SREBF2: variants seen among roughly 807,000 people sequenced by gnomAD.
The protein encoded by SREBF2 is sterol regulatory element binding transcription factor 2, also known as sterol regulatory element-binding protein 2.
Under a neutral mutation model 113.1 loss-of-function variants are expected in SREBF2, and 55 were observed. That is an observed-to-expected ratio of 0.49 (90% CI 0.39 to 0.61). SREBF2 has a LOEUF of 0.61. Among genes scored for constraint, SREBF2 ranks in the 20% least tolerant of loss-of-function variants. The pLI is 0.00. For missense variants in SREBF2, 1,349 were observed against 1,487.4 expected (o/e 0.91, Z 1.53); for synonymous variants, 593 against 605.7 (o/e 0.98, Z 0.31).
Position 41,833,330 on chromosome 22 carries a change from C to A in SREBF2, c.60C>A (p.Gly20=). 1 of 1,477,520 alleles carries A rather than the reference C, an allele frequency of 6.8e-7. No individual in the cohort carries two copies. Among genetic ancestry groups the A allele is most frequent in the African/African-American group, 1.5e-5 (1 of 64,924 alleles). 91.5% of individuals were successfully genotyped at this position (1,477,520 alleles called of 1,614,324 possible). ...CCATGGAGACCCTCACGGAGCTGGG[C>A]GACGAGCTGACCCTGGGAGACATCG... The part of the protein sequence containing the change: ...LETMETLTEL[G]DELTLGDIDE... The change falls in exon 1 of 19, where the codon GGC becomes GGA. Residue 20 remains glycine, a synonymous_variant. Coordinates refer to ENST00000361204, the MANE Select transcript of SREBF2 (RefSeq NM_004599.4). The surrounding 1 kb of genome is among the most constrained non-coding windows in gnomAD (Gnocchi z 4.1).
chr22:41,882,256 C>G (rs1263864232), intron 10 of SREBF2, among the ~76,000 whole-genome samples: 1 of 152,180 alleles, frequency 6.6e-6, no homozygotes, highest in African/African-American at 2.4e-5. Flanking sequence ...AGACGGTTCC[C>G]TGGTTCTTCC....
At chr22:41,846,161 T>C (rs1456775879) in intron 1 of SREBF2, among the ~76,000 whole-genome samples, 2 of 152,244 alleles carry the variant, frequency 1.3e-5, no homozygotes, top group Non-Finnish European at 2.9e-5. Context: ...CAGTGTGTTC[T>C]TTATCAGTCA....
chr22:41,865,280 A>C (rs1020069874), intron 1 of SREBF2, among the ~76,000 whole-genome samples: 3 of 152,090 alleles, frequency 2.0e-5, no homozygotes, highest in Non-Finnish European at 4.4e-5. Flanking sequence ...TGGTGTCTAA[A>C]TCAGAGCATC....
At chr22:41,868,866 A>T in intron 3 of SREBF2, 74 bp downstream of exon 3, 4 of 1,538,844 alleles carry the variant, frequency 2.6e-6, no homozygotes, top group Admixed American at 2.0e-5. Flanking sequence ...GATGTGGTCT[A>T]CATACTAAGA....
chr22:41,850,489 C>T (rs996485499), intron 1 of SREBF2, among the ~76,000 whole-genome samples: 4 of 151,844 alleles, frequency 2.6e-5, no homozygotes, highest in Non-Finnish European at 5.9e-5. Context: ...ACCTAAGTGC[C>T]CCTCCACACA....
At chr22:41,864,269 C>T (rs192102790) in intron 1 of SREBF2, among the ~76,000 whole-genome samples, 1,577 of 123,458 alleles carry the variant, frequency 0.013, 32 homozygotes, top group Non-Finnish European at 0.021. Flanking sequence ...TATACACACA[C>T]ACACACACAC....
At position 41,906,131 on chromosome 22, in the gene SREBF2, T is replaced by C. The variant is rs2077506879; in HGVS notation, c.*471T>C. The C allele has an allele frequency of 2.5e-6, 1 of 395,304 alleles. No homozygotes were observed. Among genetic ancestry groups the C allele is most frequent in the Non-Finnish European group, 5.1e-6 (1 of 197,606 alleles). The allele number at this position is 395,304 out of a possible 1,614,324, so 24.5% of individuals were successfully genotyped here. On this transcript the variant is annotated 3_prime_UTR_variant, in exon 19 of 19. Transcript: ENST00000361204. ...ATGTTTTCTACCAGTGTGCTTGGGT[T>C]TGCCATGATGCGAGGCTGAGTTGCT...
chr22:41,835,327 T>A (rs1281331552), intron 1 of SREBF2, among the ~76,000 whole-genome samples: 1 of 149,688 alleles, frequency 6.7e-6, no homozygotes, highest in Admixed American at 6.6e-5. Context: ...TTTTTTTTTT[T>A]GAGATGGAGT....
chr22:41,849,451 T>G (rs999238744), intron 1 of SREBF2, among the ~76,000 whole-genome samples: 1 of 152,118 alleles, frequency 6.6e-6, no homozygotes, highest in Non-Finnish European at 1.5e-5. Flanking sequence ...CGCCTTAGCC[T>G]CCCAAAGTGC....
In SREBF2 at chr22:41,854,395, C is replaced by G. The variant is rs185045318; in HGVS notation, c.89-12436C>G. 4.7e-3 allele frequency among the ~76,000 whole-genome samples: 713 copies of G among 151,180 alleles called. 7 individuals are homozygous for G. Among genetic ancestry groups the G allele is most frequent in the African/African-American group, 0.015 (627 of 41,222 alleles). On this transcript the variant is annotated intron_variant, in intron 1 of 18. Coordinates refer to ENST00000361204, the MANE Select transcript of SREBF2 (RefSeq NM_004599.4). The stretch of plus-strand genomic sequence containing the variant: ...CAGGCTAGTCTCGAACTCCTGACCT[C>G]AGGTGATCCACCCGCCTCGGCCTCC...
At chr22:41,838,189 G>A (rs1176873643) in intron 1 of SREBF2, among the ~76,000 whole-genome samples, 2 of 152,164 alleles carry the variant, frequency 1.3e-5, no homozygotes, top group African/African-American at 2.4e-5. Flanking sequence ...TTTTTGCTGG[G>A]TCCAAATAGA....
rs2077090398 is a variant in SREBF2, at chr22:41,867,225, G to A, written c.483G>A (p.Gln161=). 8 of 1,614,230 alleles carry A rather than the reference G, an allele frequency of 5.0e-6. No homozygotes were observed. The highest frequency in any genetic ancestry group is 5.9e-6 in the Non-Finnish European group (7 of 1,180,048). The change falls in exon 2 of 19, where the codon CAG becomes CAA. Residue 161 remains glutamine, a synonymous_variant. Coordinates refer to ENST00000361204, the MANE Select transcript of SREBF2 (RefSeq NM_004599.4). ...MITPTFSTTP[Q]TRIIQQPLIY... is the part of the protein sequence containing the mutation. ...CGCCAACATTCAGCACCACTCCGCA[G>A]ACGAGGATCATCCAGCAGCCTTTGA...
Position 41,894,769 on chromosome 22 carries a change from TG to T in SREBF2, c.2378-48del, listed in dbSNP as rs751957721. On this transcript the variant is annotated intron_variant, in intron 12 of 18. Transcript: ENST00000361204. ...GGAGTTTCTCTCCGTAAAGACAAAG[TG>T]GGCTCATAAATGAGCTCCATTTAAC... 1.3e-5 allele frequency: 20 copies of T among 1,496,960 alleles called. No homozygotes were observed. The East Asian group carries it at 3.4e-4, about 25-fold the overall frequency. The allele number at this position is 1,496,960 out of a possible 1,614,324, so 92.7% of individuals were successfully genotyped here.
rs139874427 is a variant in SREBF2 at position 41,870,972 on chromosome 22, G to A, written c.804G>A (p.Ala268=). ...LKTDGSPVMA[A]VQNPALTALT... ...CAGATGGCAGCCCTGTTATGGCTGC[G>A]GTCCAGAACCCGGCCCTCACCGCCC... Residue 268 remains alanine (A), a synonymous_variant, in exon 4 of 19, where the codon GCG becomes GCA. Transcript: ENST00000361204. 57 of 1,613,840 alleles carry A rather than the reference G, an allele frequency of 3.5e-5. No individual in the cohort carries two copies. The highest frequency in any genetic ancestry group is 2.7e-4 in the African/African-American group (20 of 74,850).
chr22:41,901,084 G>C (rs1486620496), intron 16 of SREBF2: 4 of 432,536 alleles, frequency 9.2e-6, no homozygotes, highest in Non-Finnish European at 1.9e-5. Context: ...TCCTGATAGA[G>C]GGCACTGCTG....
Position 41,874,128 on chromosome 22 carries a change from G to C in SREBF2, c.1089+109G>C, listed in dbSNP as rs17848345. On this transcript the variant is annotated intron_variant, in intron 5 of 18. Coordinates refer to ENST00000361204, the MANE Select transcript of SREBF2 (RefSeq NM_004599.4). The stretch of plus-strand genomic sequence containing the variant: ...GCTCAAGGTAAGTGAATACAAGACC[G>C]AGTTAGAGGTGCTTTTTTATTAAAG... The C allele has an allele frequency of 4.7e-6, 5 of 1,070,690 alleles. No homozygotes were observed. The African/African-American group carries it at 4.8e-5, about 10-fold the overall frequency. The allele number at this position is 1,070,690 out of a possible 1,614,324, so 66.3% of individuals were successfully genotyped here. A position where few individuals can be genotyped will look rare whatever the true frequency, so the allele number is the denominator to read the frequency against.
rs2077439514 is a variant in SREBF2, at chr22:41,898,877, G to A, written c.2738+96G>A. On this transcript the variant is annotated intron_variant, in intron 15 of 18. Transcript: ENST00000361204. ...CTGGACTGGGTGGGCGTGTTGGGGT[G>A]AAGGGTCAGGACTGCATGACAGGTG... 3 of 1,533,542 alleles carry A rather than the reference G, an allele frequency of 2.0e-6. No individual in the cohort carries two copies. In the African/African-American group the frequency reaches 4.1e-5, roughly 21 times the overall value. The allele number at this position is 1,533,542 out of a possible 1,614,324, so 95.0% of individuals were successfully genotyped here. A position where few individuals can be genotyped will look rare whatever the true frequency, so the allele number is the denominator to read the frequency against.
At chr22:41,878,599 G>A (rs2148393743) in intron 9 of SREBF2, 2 of 1,141,600 alleles carry the variant, frequency 1.8e-6, no homozygotes, top group African/African-American at 1.6e-5. Context: ...ATTCTCTATA[G>A]AACCAGGAAA....
chr22:41,867,301 G>C (rs760017365), intron 2 of SREBF2, 21 bp downstream of exon 2: 4 of 1,613,270 alleles, frequency 2.5e-6, no homozygotes, highest in Non-Finnish European at 3.4e-6. Context: ...AGTTAGAATG[G>C]TAGTGGTTGG....
Sources: gnomAD v4.1 joint callset for allele counts (sites outside exome capture counted in the v4.1 genomes callset) on GRCh38, gnomAD v4.1.1 for gene constraint, Gnocchi (gnomAD v3.1) non-coding constraint, MANE v1.5 for transcripts, NCBI Gene and HGNC (gene_info 2026-07-23, HGNC 2026-07-21) for gene names.